The following TBC1D5 variants were observed in gnomAD, a reference collection of about 807,000 sequenced individuals.
TBC1D5 encodes TBC1 domain family member 5.
A neutral mutation model predicts 100.3 loss-of-function variants in TBC1D5; 75 were observed. That is an observed-to-expected ratio of 0.75 (90% CI 0.62 to 0.91). TBC1D5 has a LOEUF of 0.91. Among genes scored for constraint, TBC1D5 ranks in the 40% least tolerant of loss-of-function variants. The pLI, the probability that TBC1D5 is intolerant of heterozygous loss-of-function variation, is 0.00. For synonymous variants in TBC1D5, 323 were observed against 325.6 expected, an observed-to-expected ratio of 0.99 and a Z score of 0.09; for missense variants, 910 against 942.4, an observed-to-expected ratio of 0.97 and a Z score of 0.45.
intron 2 of TBC1D5, among the ~76,000 whole-genome samples, chr3:17,551,756 AAAC>A (rs547913000): frequency 7.4e-4 from 113 of 152,276 alleles, no homozygotes; most frequent in Middle Eastern, 3.4e-3. Flanking sequence ...CAGATGTTGA[AAAC>A]AACAAGCAAT....
At chr3:17,685,601 T>C (rs1328429283) in intron 1 of TBC1D5, among the ~76,000 whole-genome samples, 3 of 152,072 alleles carry the variant, frequency 2.0e-5, no homozygotes, top group African/African-American at 4.8e-5. Context: ...TATTTTTCAA[T>C]ACTATTGGTA....
At chr3:17,396,441 C>A (rs1293239355) in intron 8 of TBC1D5, among the ~76,000 whole-genome samples, 1 of 151,554 alleles carries the variant, frequency 6.6e-6, no homozygotes, top group Non-Finnish European at 1.5e-5. Context: ...TTTTTTATTT[C>A]AATAAAAAAT....
At chr3:17,517,992 T>C (rs1034272501) in intron 2 of TBC1D5, among the ~76,000 whole-genome samples, 7 of 152,166 alleles carry the variant, frequency 4.6e-5, no homozygotes, top group Admixed American at 1.3e-4. Flanking sequence ...TGGTTCACTG[T>C]TGTCACTCCT....
At chr3:17,260,562 A>G (rs1265231845) in intron 15 of TBC1D5, among the ~76,000 whole-genome samples, 2 of 152,238 alleles carry the variant, frequency 1.3e-5, no homozygotes, top group African/African-American at 4.8e-5. Context: ...AACAAAAAAA[A>G]GAATCAAAAG....
chr3:17,453,486 T>A (rs961835095), intron 3 of TBC1D5, among the ~76,000 whole-genome samples: 3 of 151,946 alleles, frequency 2.0e-5, no homozygotes, highest in Non-Finnish European at 2.9e-5. Flanking sequence ...AACAGATACC[T>A]CAGAAATTGA....
intron 3 of TBC1D5, among the ~76,000 whole-genome samples, chr3:17,455,835 C>G (rs1224165835): frequency 6.6e-6 from 1 of 151,916 alleles, no homozygotes; most frequent in African/African-American, 2.4e-5. Flanking sequence ...GAGACCCTGT[C>G]TCAAAAACAA....
At chr3:17,327,570 C>G (rs1433256129) in intron 13 of TBC1D5, among the ~76,000 whole-genome samples, 2 of 152,088 alleles carry the variant, frequency 1.3e-5, no homozygotes, top group Non-Finnish European at 2.9e-5. Flanking sequence ...GAGGTTTTCT[C>G]CCCACAAAAA....
At chr3:17,586,289 C>A (rs1245632936) in intron 2 of TBC1D5, 1 of 152,044 alleles carries the variant, frequency 6.6e-6, no homozygotes, top group Non-Finnish European at 1.5e-5. Flanking sequence ...GAACACATTA[C>A]TATGGTAAGG....
chr3:17,249,229 T>G (rs1224581915), intron 16 of TBC1D5, among the ~76,000 whole-genome samples: 1 of 152,202 alleles, frequency 6.6e-6, no homozygotes, highest in Non-Finnish European at 1.5e-5. Flanking sequence ...CAAAAACTTT[T>G]CCTTTGCTTT....
At chr3:17,730,057 G>C (rs1227668661) in intron 1 of TBC1D5, among the ~76,000 whole-genome samples, 3 of 151,932 alleles carry the variant, frequency 2.0e-5, no homozygotes, top group Admixed American at 6.6e-5. Flanking sequence ...GTTGCAGTGA[G>C]CCAAGAATGC....
At chr3:17,645,243 G>A (rs749710860) in intron 1 of TBC1D5, among the ~76,000 whole-genome samples, 5 of 152,058 alleles carry the variant, frequency 3.3e-5, no homozygotes, top group African/African-American at 4.8e-5. Flanking sequence ...TATTTTCTCA[G>A]ATCCCAAATG....
intron 3 of TBC1D5, among the ~76,000 whole-genome samples, chr3:17,439,948 C>T (rs546103354): frequency 7.9e-5 from 12 of 152,252 alleles, no homozygotes; most frequent in Non-Finnish European, 1.5e-4. Context: ...TTAATAAATG[C>T]ATTTTGTAAT....
intron 2 of TBC1D5, among the ~76,000 whole-genome samples, chr3:17,612,578 C>T (rs187717986): frequency 7.9e-5 from 12 of 151,698 alleles, no homozygotes; most frequent in Non-Finnish European, 1.5e-4. Flanking sequence ...AGCAGTGAGC[C>T]GAGATCGCAC....
intron 18 of TBC1D5, among the ~76,000 whole-genome samples, chr3:17,204,823 A>T (rs755549198): frequency 3.3e-5 from 5 of 152,194 alleles, no homozygotes; most frequent in Admixed American, 6.5e-5. Flanking sequence ...TGTCATGCTA[A>T]AACTGTTGAA....
At chr3:17,592,839 A>G (rs951223079) in intron 2 of TBC1D5, among the ~76,000 whole-genome samples, 3 of 152,148 alleles carry the variant, frequency 2.0e-5, no homozygotes, top group African/African-American at 7.2e-5. Flanking sequence ...TCTTCTGTAG[A>G]TAACTACTCT....
intron 1 of TBC1D5, among the ~76,000 whole-genome samples, chr3:17,663,759 T>C (rs1409960670): frequency 3.3e-5 from 5 of 152,202 alleles, no homozygotes; most frequent in Non-Finnish European, 7.3e-5. Flanking sequence ...TGTAGTAGTA[T>C]ATGTAACAGT....
chr3:17,173,982 C>T (rs2067437373), intron 19 of TBC1D5, among the ~76,000 whole-genome samples: 2 of 152,152 alleles, frequency 1.3e-5, no homozygotes, highest in South Asian at 2.1e-4. Flanking sequence ...TAGGAGAAGA[C>T]ATCAAATTCA....
At position 17,258,611 on chromosome 3, in the gene TBC1D5, T is replaced by A; in HGVS notation, c.1246-20A>T. 1 of 1,593,146 alleles carries A rather than the reference T, an allele frequency of 6.3e-7. No individual in the cohort carries two copies. Among genetic ancestry groups the A allele is most frequent in the Non-Finnish European group, 8.6e-7 (1 of 1,163,334 alleles). On this transcript the variant is annotated intron_variant, in intron 15 of 21. Transcript: ENST00000253692. ...ATTTCTCTAAAAAAAAATACATTTT[T>A]AAAAAGCTAGTTAAATGATTTAATC...
At chr3:17,241,411 C>T (rs1429961823) in intron 16 of TBC1D5, among the ~76,000 whole-genome samples, 1 of 152,158 alleles carries the variant, frequency 6.6e-6, no homozygotes, top group African/African-American at 2.4e-5. Flanking sequence ...TTGAAATAAA[C>T]AGCAAGAGGA....
Sources: allele counts gnomAD v4.1 joint callset (sites outside exome capture counted in the v4.1 genomes callset), GRCh38; gene constraint gnomAD v4.1.1; transcripts MANE v1.5; gene names NCBI Gene and HGNC (gene_info 2026-07-23, HGNC 2026-07-21).